The following UBE2E3 variants were observed in gnomAD, a reference collection of about 807,000 sequenced individuals.
The protein encoded by UBE2E3 is ubiquitin-conjugating enzyme E2 E3.
Under a neutral mutation model 23.6 loss-of-function variants are expected in UBE2E3, and 5 were observed. The observed-to-expected ratio is 0.21, with a 90% CI of 0.11 to 0.44. The LOEUF (loss-of-function observed/expected upper bound fraction) is 0.44, where lower values mean the gene tolerates loss of function less well. UBE2E3 is among the 20% of genes least tolerant of loss of function. UBE2E3 has a pLI of 0.99. For missense variants in UBE2E3, 81 were observed against 249.8 expected (o/e 0.32, Z 4.55); for synonymous variants, 78 against 87.5 (o/e 0.89, Z 0.60).
intron 3 of UBE2E3, among the ~76,000 whole-genome samples, chr2:181,047,399 G>A (rs1686701557): frequency 6.6e-6 from 1 of 151,974 alleles, no homozygotes; most frequent in South Asian, 2.1e-4. Context: ...ATATCTATAG[G>A]ACCAGGCCCC....
intron 2 of UBE2E3, among the ~76,000 whole-genome samples, chr2:180,983,311 T>C (rs1684359350): frequency 6.6e-6 from 1 of 152,256 alleles, no homozygotes; most frequent in Non-Finnish European, 1.5e-5. Context: ...TTTGACATAA[T>C]TTAAAATTCT....
At chr2:181,047,989 C>T (rs1161392162) in intron 3 of UBE2E3, among the ~76,000 whole-genome samples, 1 of 152,112 alleles carries the variant, frequency 6.6e-6, no homozygotes, top group Non-Finnish European at 1.5e-5. Context: ...TCCCTTCTGC[C>T]ACATTGTGCT....
chr2:181,057,599 A>G, intron 3 of UBE2E3, 94 bp from the exon 4 acceptor site: 6 of 1,036,060 alleles, frequency 5.8e-6, no homozygotes, highest in Non-Finnish European at 8.5e-6. Context: ...ATTGCTCTAG[A>G]TTGCTAATTT....
At chr2:181,046,200 G>A (rs1166176703) in intron 3 of UBE2E3, among the ~76,000 whole-genome samples, 1 of 152,076 alleles carries the variant, frequency 6.6e-6, no homozygotes, top group Non-Finnish European at 1.5e-5. Flanking sequence ...TGTCCACCAA[G>A]GAAAAAGATC....
At chr2:181,010,034 A>G (rs1391888655) in intron 3 of UBE2E3, among the ~76,000 whole-genome samples, 1 of 152,094 alleles carries the variant, frequency 6.6e-6, no homozygotes, top group Non-Finnish European at 1.5e-5. Context: ...ATGTGGTTGC[A>G]AGTATGAACA....
intron 3 of UBE2E3, among the ~76,000 whole-genome samples, chr2:180,992,077 T>C (rs1684675078): frequency 6.6e-6 from 1 of 152,206 alleles, no homozygotes; most frequent in South Asian, 2.1e-4. Context: ...CTTTCTTTTT[T>C]ACCTGTTTCC....
intron 3 of UBE2E3, among the ~76,000 whole-genome samples, chr2:181,038,312 G>A (rs371502594): frequency 6.6e-6 from 1 of 152,192 alleles, no homozygotes; most frequent in Non-Finnish European, 1.5e-5. Flanking sequence ...GGGAGCAATA[G>A]GCTATACCAT....
At chr2:180,989,746 T>G (rs1684598243) in intron 3 of UBE2E3, 11 of 939,604 alleles carry the variant, frequency 1.2e-5, no homozygotes, top group African/African-American at 3.3e-5. Context: ...CAGCATGTGC[T>G]TTTAAAAAAA....
At chr2:181,020,692 G>A (rs1011100502) in intron 3 of UBE2E3, among the ~76,000 whole-genome samples, 2 of 152,090 alleles carry the variant, frequency 1.3e-5, no homozygotes, top group Non-Finnish European at 2.9e-5. Context: ...TGGATTCAGA[G>A]GGAATGCCTA....
At chr2:181,044,849 A>G (rs953367460) in intron 3 of UBE2E3, among the ~76,000 whole-genome samples, 1 of 152,168 alleles carries the variant, frequency 6.6e-6, no homozygotes, top group African/African-American at 2.4e-5. Flanking sequence ...AGAATATTTT[A>G]TGGCATAGTA....
chr2:181,001,476 A>G (rs1684990472), intron 3 of UBE2E3, among the ~76,000 whole-genome samples: 2 of 152,200 alleles, frequency 1.3e-5, no homozygotes, highest in Non-Finnish European at 2.9e-5. Context: ...GACATCAAGA[A>G]GTGGAAATAC....
chr2:181,045,857 T>C, intron 3 of UBE2E3, among the ~76,000 whole-genome samples: 1 of 152,030 alleles, frequency 6.6e-6, no homozygotes, highest in Middle Eastern at 3.2e-3. Context: ...AATATACACA[T>C]ACCCTTGGAT....
At chr2:180,992,169 TTTCTC>T (rs780611110) in intron 3 of UBE2E3, among the ~76,000 whole-genome samples, 5 of 152,224 alleles carry the variant, frequency 3.3e-5, no homozygotes, top group Admixed American at 6.5e-5. Context: ...TAAGAGTTCT[TTTCTC>T]TTAAGGTGAA....
At chr2:181,025,612 G>T (rs1046466187) in intron 3 of UBE2E3, among the ~76,000 whole-genome samples, 6 of 151,844 alleles carry the variant, frequency 4.0e-5, no homozygotes, top group African/African-American at 1.4e-4. Flanking sequence ...CCATCGTCCT[G>T]TGTTACTGGA....
intron 3 of UBE2E3, among the ~76,000 whole-genome samples, chr2:181,038,443 T>A (rs957327996): frequency 3.3e-5 from 5 of 152,212 alleles, no homozygotes; most frequent in African/African-American, 1.2e-4. Flanking sequence ...TGTTAAACAT[T>A]AAGTGACACA....
intron 3 of UBE2E3, among the ~76,000 whole-genome samples, chr2:181,024,098 A>G (rs2105632480): frequency 6.6e-6 from 1 of 152,204 alleles, no homozygotes; most frequent in Non-Finnish European, 1.5e-5. Flanking sequence ...TCAGGTAAAC[A>G]TGTATGTTCA....
At chr2:181,032,652 T>A (rs902298474) in intron 3 of UBE2E3, among the ~76,000 whole-genome samples, 1 of 152,198 alleles carries the variant, frequency 6.6e-6, no homozygotes, top group African/African-American at 2.4e-5. Flanking sequence ...ACCATCTCTT[T>A]GAAACACTGT....
intron 3 of UBE2E3, chr2:180,987,244 A>G (rs1684504656): frequency 7.3e-7 from 1 of 1,373,866 alleles, no homozygotes; most frequent in Non-Finnish European, 1.0e-6. Flanking sequence ...AAATTGTGTT[A>G]TGGGCATTTC....
At chr2:180,991,780 A>G (rs1036959115) in intron 3 of UBE2E3, among the ~76,000 whole-genome samples, 2 of 152,138 alleles carry the variant, frequency 1.3e-5, no homozygotes, top group East Asian at 1.9e-4. Flanking sequence ...ACTAGAGCAT[A>G]TACAGTATGG....
Sources: allele counts gnomAD v4.1 joint callset (sites outside exome capture counted in the v4.1 genomes callset), GRCh38; gene constraint gnomAD v4.1.1; transcripts MANE v1.5; gene names NCBI Gene and HGNC (gene_info 2026-07-23, HGNC 2026-07-21).